Variants in GEMIN8 observed in about 807,000 individuals in gnomAD.
The protein encoded by GEMIN8 is gem-associated protein 8.
For missense variants in GEMIN8, 185 were observed against 205.9 expected (o/e 0.90, Z 0.62); for synonymous variants, 80 against 78.5 (o/e 1.02, Z -0.10).
chrX:14,022,530 C>T (rs1221753454), intron 2 of GEMIN8, among the ~76,000 whole-genome samples: 1 of 111,501 alleles, frequency 9.0e-6, no homozygotes, highest in East Asian at 2.8e-4. Flanking sequence ...TTTGCTGATT[C>T]GATGCATGAA....
the GEMIN8 span, among the ~76,000 whole-genome samples, chrX:13,997,898 CAAAAAA>C: frequency 2.2e-5 from 1 of 45,122 alleles, no homozygotes; most frequent in African/African-American, 8.5e-5. Context: ...GACTCTGTCT[CAAAAAA>C]AAAAAAAAAA....
downstream of GEMIN8, among the ~76,000 whole-genome samples, chrX:14,005,194 G>C (rs1923102062): frequency 2.7e-5 from 3 of 110,153 alleles, no homozygotes; most frequent in Admixed American, 2.9e-4. Context: ...TTCTAATGAG[G>C]TGACTCTTGG....
intron 4 of GEMIN8, among the ~76,000 whole-genome samples, chrX:14,014,708 A>G (rs770509990): frequency 4.5e-5 from 5 of 111,867 alleles, no homozygotes; most frequent in Non-Finnish European, 9.4e-5. Context: ...CTACAGTCTC[A>G]GCCTTCCCAC....
the GEMIN8 span, among the ~76,000 whole-genome samples, chrX:13,985,977 A>C: frequency 3.0e-4 from 33 of 111,097 alleles, no homozygotes; most frequent in Non-Finnish European, 5.3e-4. Flanking sequence ...TTTTTACTTC[A>C]TGCATAATGA....
downstream of GEMIN8, among the ~76,000 whole-genome samples, chrX:14,002,789 A>G (rs766258067): frequency 8.9e-6 from 1 of 112,112 alleles, no homozygotes; most frequent in African/African-American, 3.2e-5. Context: ...GGCATGAGCC[A>G]CCACGCCCGG....
At chrX:14,022,244 C>G (rs1188764913) in intron 2 of GEMIN8, among the ~76,000 whole-genome samples, 5 of 110,171 alleles carry the variant, frequency 4.5e-5, no homozygotes, top group African/African-American at 1.7e-4. Flanking sequence ...TTGGGTCTTG[C>G]CTTAGGTTTG....
the GEMIN8 span, among the ~76,000 whole-genome samples, chrX:13,985,014 G>A: frequency 9.0e-6 from 1 of 111,403 alleles, no homozygotes; most frequent in South Asian, 3.8e-4. Flanking sequence ...GATAGTGGTG[G>A]GGCAGGGACA....
intron 2 of GEMIN8, 118 bp downstream of exon 2, chrX:14,026,022 C>T: frequency 1.4e-6 from 1 of 735,890 alleles, no homozygotes; most frequent in Non-Finnish European, 1.6e-6. Flanking sequence ...TAATTATAGA[C>T]ATTACAGCAA....
At chrX:13,986,752 G>T in the GEMIN8 span, among the ~76,000 whole-genome samples, 1 of 111,846 alleles carries the variant, frequency 8.9e-6, no homozygotes, top group African/African-American at 3.2e-5. Context: ...GTCCCTGGCT[G>T]AAAACCAAGG....
At chrX:13,995,015 T>C in the GEMIN8 span, among the ~76,000 whole-genome samples, 5 of 111,259 alleles carry the variant, frequency 4.5e-5, no homozygotes, top group Non-Finnish European at 7.5e-5. Context: ...TCAGTCAGAG[T>C]CCCAAAACAT....
the GEMIN8 span, among the ~76,000 whole-genome samples, chrX:13,996,644 T>C: frequency 8.9e-6 from 1 of 111,837 alleles, no homozygotes; most frequent in Non-Finnish European, 1.9e-5. Flanking sequence ...GGCAAAGAAA[T>C]AGAATCTTAA....
chrX:13,992,747 G>T, the GEMIN8 span, among the ~76,000 whole-genome samples: 1 of 111,881 alleles, frequency 8.9e-6, no homozygotes, highest in East Asian at 2.8e-4. Flanking sequence ...GGTCCAGATC[G>T]TGCCATGCTT....
chrX:13,985,264 G>A, the GEMIN8 span, among the ~76,000 whole-genome samples: 194 of 112,047 alleles, frequency 1.7e-3, 1 homozygote, highest in African/African-American at 6.0e-3. Flanking sequence ...TATGGGGTAA[G>A]CACTGCCCCC....
the GEMIN8 span, among the ~76,000 whole-genome samples, chrX:14,000,597 GA>G: frequency 0.26 from 27,140 of 103,261 alleles, 2,859 homozygotes; most frequent in Non-Finnish European, 0.31. Flanking sequence ...ACTCCATCTT[GA>G]AAAAAAAAAA....
chrX:13,994,738 A>C, the GEMIN8 span, among the ~76,000 whole-genome samples: 40 of 112,261 alleles, frequency 3.6e-4, no homozygotes, highest in African/African-American at 1.3e-3. Context: ...CTGTTCCTCA[A>C]ACTGTCCCAT....
intron 2 of GEMIN8, among the ~76,000 whole-genome samples, chrX:14,025,833 T>C (rs188229982): frequency 8.9e-6 from 1 of 111,822 alleles, no homozygotes; most frequent in Non-Finnish European, 1.9e-5. Flanking sequence ...AAAGAATATA[T>C]ATTCTTTCCT....
At chrX:13,987,924 G>A in the GEMIN8 span, among the ~76,000 whole-genome samples, 1 of 111,840 alleles carries the variant, frequency 8.9e-6, no homozygotes, top group Non-Finnish European at 1.9e-5. Context: ...GCCAAGCACC[G>A]TGTTCTCTCC....
Position 14,019,774 on chromosome X carries a change from G to A in GEMIN8, c.472+304C>T, listed in dbSNP as rs957787120. Among the ~76,000 whole-genome samples, 17 of 87,989 alleles carry A rather than the reference G, an allele frequency of 1.9e-4. No individual in the cohort carries two copies. In the South Asian group the frequency reaches 2.0e-3, roughly 10 times the overall value. The allele number at this position is 87,989 out of a possible 115,157, so 76.4% of individuals were successfully genotyped here. A position where few individuals can be genotyped will look rare whatever the true frequency, so the allele number is the denominator to read the frequency against. On this transcript the variant is annotated intron_variant, in intron 4 of 4. Transcript: ENST00000680255. ...GGGACTGCTGTGTAGATCAGAGCAC[G>A]CACACACACAAGCATGCATGCATAC...
At chrX:14,018,766 CTTTTTTTTTT>C (rs58528171) in intron 4 of GEMIN8, among the ~76,000 whole-genome samples, 3 of 91,888 alleles carry the variant, frequency 3.3e-5, no homozygotes, top group Non-Finnish European at 6.5e-5. Context: ...CTTTTCTTTT[CTTTTTTTTTT>C]TTTTTTTGAG....
Sources: gnomAD v4.1 joint callset for allele counts (sites outside exome capture counted in the v4.1 genomes callset) on GRCh38, gnomAD v4.1.1 for gene constraint, MANE v1.5 for transcripts, NCBI Gene and HGNC (gene_info 2026-07-23, HGNC 2026-07-21) for gene names.